The following ZBTB44 variants were observed in gnomAD, a reference collection of about 807,000 sequenced individuals.
The protein encoded by ZBTB44 is zinc finger and BTB domain containing 44, also known as zinc finger and BTB domain-containing protein 44.
In ZBTB44, 15 loss-of-function variants were observed where a neutral mutation model predicts 54.0. The observed-to-expected ratio is 0.28, with a 90% CI of 0.19 to 0.43. The LOEUF (loss-of-function observed/expected upper bound fraction) is 0.43, where lower values mean the gene tolerates loss of function less well. Ranked by LOEUF, ZBTB44 falls within the 20% of genes least tolerant of loss-of-function variation. The pLI, the probability that ZBTB44 is intolerant of heterozygous loss-of-function variation, is 1.00. For synonymous variants in ZBTB44, 230 were observed against 250.1 expected, an observed-to-expected ratio of 0.92 and a Z score of 0.76; for missense variants, 487 against 707.1, an observed-to-expected ratio of 0.69 and a Z score of 3.53.
chr11:130,242,468 G>C (rs1954411493), intron 2 of ZBTB44, among the ~76,000 whole-genome samples: 1 of 152,034 alleles, frequency 6.6e-6, no homozygotes, highest in Non-Finnish European at 1.5e-5. Flanking sequence ...CTTCACTTCT[G>C]CCAAAAGTCC....
chr11:130,255,696 T>TA (rs1338804396), intron 2 of ZBTB44, among the ~76,000 whole-genome samples: 9 of 151,602 alleles, frequency 5.9e-5, no homozygotes, highest in African/African-American at 1.9e-4. Flanking sequence ...ATAGACACAA[T>TA]AAAAAATGAT....
At chr11:130,248,458 T>C (rs1029440616) in intron 2 of ZBTB44, among the ~76,000 whole-genome samples, 8 of 151,860 alleles carry the variant, frequency 5.3e-5, no homozygotes, top group African/African-American at 1.9e-4. Flanking sequence ...CTGGCCAACA[T>C]GGTGAAATCC....
intron 2 of ZBTB44, among the ~76,000 whole-genome samples, chr11:130,250,344 G>C (rs1209158758): frequency 6.6e-6 from 1 of 152,226 alleles, no homozygotes; most frequent in Non-Finnish European, 1.5e-5. Context: ...AGCTTCAGTG[G>C]ACTTAAACGT....
intron 1 of ZBTB44, among the ~76,000 whole-genome samples, chr11:130,306,229 A>G (rs146833865): frequency 6.6e-6 from 1 of 152,188 alleles, no homozygotes; most frequent in African/African-American, 2.4e-5. Flanking sequence ...TAGGCTGGGC[A>G]CGATGGCTCA....
intron 1 of ZBTB44, among the ~76,000 whole-genome samples, chr11:130,268,812 T>G (rs1172845129): frequency 6.6e-6 from 1 of 151,118 alleles, no homozygotes; most frequent in African/African-American, 2.4e-5. Flanking sequence ...ACTCCTGACC[T>G]CATGTGATCC....
chr11:130,237,101 T>G lies in ZBTB44; in HGVS notation c.1268-8A>C. ...ACTGAAATGGTTTAATTCCTGTAAA[T>G]AAAGCAAAACAAAATATCTAAAAAC... On this transcript the variant is annotated splice_polypyrimidine_tract_variant and splice_region_variant and intron_variant, in intron 4 of 7. Coordinates refer to ENST00000357899, the MANE Select transcript of ZBTB44 (RefSeq NM_001301098.2). 6.7e-7 allele frequency: 1 copy of G among 1,483,252 alleles called. No individual in the cohort carries two copies. Among genetic ancestry groups the G allele is most frequent in the Non-Finnish European group, 9.0e-7 (1 of 1,113,398 alleles). 91.9% of individuals were successfully genotyped at this position (1,483,252 alleles called of 1,614,324 possible).
chr11:130,296,105 T>A, intron 1 of ZBTB44: 1 of 1,565,012 alleles, frequency 6.4e-7, no homozygotes, highest in Non-Finnish European at 8.8e-7. Flanking sequence ...ATTATTAAAC[T>A]TTTGCCAACA....
chr11:130,308,307 A>G (rs1305623494), intron 1 of ZBTB44, among the ~76,000 whole-genome samples: 2 of 152,236 alleles, frequency 1.3e-5, no homozygotes, highest in Admixed American at 1.3e-4. Context: ...AGGTTGTTAC[A>G]GCATCAGTCA....
Position 130,260,870 on chromosome 11 carries a change from T to A in ZBTB44, c.1004A>T (p.Gln335Leu), listed in dbSNP as rs1158185666. ...QVQEDLLISP[Q>L]SSSIGSVDEG... ...AGGCATTATACCTATAGAGGAAGACTGTGGACTAATCAGAAGGTCCTCTTG... is the reference window on the plus strand; with the variant it reads ...AGGCATTATACCTATAGAGGAAGACAGTGGACTAATCAGAAGGTCCTCTTG... The change falls in exon 2 of 8, where the codon CAG (glutamine) becomes CTG (leucine). Residue 335 changes from glutamine (Q) to leucine (L), a missense_variant. Around this residue, in one of 3 missense-constraint regions of ZBTB44, gnomAD observed 277 missense variants for 306.5 expected, o/e 0.90. Coordinates refer to ENST00000357899, the MANE Select transcript of ZBTB44 (RefSeq NM_001301098.2). 4 of 1,613,186 alleles carry A rather than the reference T, an allele frequency of 2.5e-6. No homozygotes were observed. The East Asian group carries it at 8.9e-5, about 36-fold the overall frequency.
At chr11:130,281,663 C>T (rs998633091) in intron 1 of ZBTB44, among the ~76,000 whole-genome samples, 3 of 151,760 alleles carry the variant, frequency 2.0e-5, no homozygotes, top group East Asian at 1.9e-4. Flanking sequence ...GGTGTGATAT[C>T]GGCTCACTGC....
intron 2 of ZBTB44, among the ~76,000 whole-genome samples, chr11:130,246,916 C>T (rs551961): frequency 0.56 from 85,234 of 152,026 alleles, 27,421 homozygotes; most frequent in South Asian, 0.69. Context: ...CAATCACAAA[C>T]ATACCAGTCA....
chr11:130,309,871 G>A (rs949674022), intron 1 of ZBTB44, among the ~76,000 whole-genome samples: 2 of 149,898 alleles, frequency 1.3e-5, no homozygotes, highest in Admixed American at 6.6e-5. Context: ...ATTCCAGCCT[G>A]GGCAACAGAG....
At chr11:130,293,479 A>G (rs1013527995) in intron 1 of ZBTB44, among the ~76,000 whole-genome samples, 1 of 148,302 alleles carries the variant, frequency 6.7e-6, no homozygotes, top group African/African-American at 2.5e-5. Flanking sequence ...ATCAAAAAAA[A>G]AAAAAAAAAA....
At chr11:130,300,610 ATAG>A (rs1468666637) in intron 1 of ZBTB44, among the ~76,000 whole-genome samples, 6 of 152,226 alleles carry the variant, frequency 3.9e-5, no homozygotes, top group African/African-American at 1.4e-4. Flanking sequence ...AATAACCAGC[ATAG>A]TAGGAGTTAC....
At chr11:130,282,426 C>T (rs1156952568) in intron 1 of ZBTB44, among the ~76,000 whole-genome samples, 4 of 152,190 alleles carry the variant, frequency 2.6e-5, no homozygotes, top group African/African-American at 7.2e-5. Context: ...TTTCACATAG[C>T]GAAGTGTTCT....
chr11:130,248,847 T>C (rs1285808279), intron 2 of ZBTB44, among the ~76,000 whole-genome samples: 1 of 152,158 alleles, frequency 6.6e-6, no homozygotes, highest in Non-Finnish European at 1.5e-5. Flanking sequence ...CTCAGGCCTG[T>C]AATCCCAGCA....
At chr11:130,267,612 T>TC in intron 1 of ZBTB44, among the ~76,000 whole-genome samples, 1 of 152,066 alleles carries the variant, frequency 6.6e-6, no homozygotes, top group East Asian at 2.0e-4. Flanking sequence ...GATAGGGGTA[T>TC]CCCTATGTTG....
At chr11:130,232,883 ATCCT>A (rs1953932137) in intron 7 of ZBTB44, 1 of 155,284 alleles carries the variant, frequency 6.4e-6, no homozygotes, top group Admixed American at 6.5e-5. Context: ...CATGCCTATA[ATCCT>A]AGATACTCAA....
intron 1 of ZBTB44, among the ~76,000 whole-genome samples, chr11:130,286,321 G>A (rs920033986): frequency 4.6e-5 from 7 of 152,076 alleles, no homozygotes; most frequent in African/African-American, 1.7e-4. Context: ...GAATATCCCA[G>A]AAAAATACAT....
Sources: allele counts gnomAD v4.1 joint callset (sites outside exome capture counted in the v4.1 genomes callset), GRCh38; gene constraint gnomAD v4.1.1; regional missense constraint gnomAD v4.1.1; transcripts MANE v1.5; gene names NCBI Gene and HGNC (gene_info 2026-07-23, HGNC 2026-07-21).